MAPK10: variants seen among roughly 807,000 people sequenced by gnomAD.
MAPK10 encodes mitogen-activated protein kinase 10.
Under a neutral mutation model 59.3 loss-of-function variants are expected in MAPK10, and 25 were observed. The observed-to-expected ratio is 0.42, with a 90% confidence interval of 0.31 to 0.59. The LOEUF (loss-of-function observed/expected upper bound fraction) is 0.59. Ranked by LOEUF, MAPK10 falls within the 20% of genes least tolerant of loss-of-function variation. The pLI is 0.15. For synonymous variants in MAPK10, 190 were observed against 200.5 expected (o/e 0.95, Z 0.44); for missense variants, 351 against 568.9 (o/e 0.62, Z 3.90).
chr4:86,194,603 T>C (rs1481965891), intron 2 of MAPK10, among the ~76,000 whole-genome samples, 196 bp from the exon 3 acceptor site: 1 of 152,166 alleles, frequency 6.6e-6, no homozygotes, highest in East Asian at 1.9e-4. Context: ...ATGTCCTATC[T>C]TTTATAATGA....
intron 1 of MAPK10, among the ~76,000 whole-genome samples, chr4:86,539,444 A>G (rs80182351): frequency 0.047 from 7,131 of 152,262 alleles, 221 homozygotes; most frequent in African/African-American, 0.059. Flanking sequence ...AGGTTGGAAT[A>G]TAAGCACAAG....
chr4:86,100,406 T>A (rs1401990910), intron 8 of MAPK10: 1 of 152,160 alleles, frequency 6.6e-6, no homozygotes, highest in Non-Finnish European at 1.5e-5. Flanking sequence ...TCATGAACAT[T>A]AAGTTTTCTT....
intron 2 of MAPK10, among the ~76,000 whole-genome samples, chr4:86,227,501 GAAAGAAAAGAA>G (rs1014752247): frequency 4.4e-5 from 6 of 137,480 alleles, no homozygotes; most frequent in Non-Finnish European, 7.9e-5. Flanking sequence ...AAAAAAAAAA[GAAAGAAAAGAA>G]AAAGAAAAGA....
chr4:86,499,801 T>G (rs1211303300), intron 1 of MAPK10, among the ~76,000 whole-genome samples: 1 of 152,180 alleles, frequency 6.6e-6, no homozygotes, highest in Non-Finnish European at 1.5e-5. Flanking sequence ...AGTGGGCCTT[T>G]AGAGAAAGCT....
chr4:86,359,937 C>T lies in MAPK10; in HGVS notation c.-401G>A. 7.1e-6 allele frequency: 7 copies of T among 985,724 alleles called. No individual in the cohort carries two copies. Among genetic ancestry groups the T allele is most frequent in the Non-Finnish European group, 8.4e-6 (7 of 829,940 alleles). The allele number at this position is 985,724 out of a possible 1,614,324, so 61.1% of individuals were successfully genotyped here. On this transcript the variant is annotated 5_prime_UTR_variant, in exon 1 of 14. The change abolishes an upstream ATG in the 5' untranslated region. Coordinates refer to ENST00000641462, the MANE Select transcript of MAPK10 (RefSeq NM_138982.4). ...GCATATAGCAAGCACCACCCACCCC[C>T]ATAAAAATAAAAAGTGAAGGGGAGG...
At chr4:86,440,414 C>A (rs1257691771) in intron 1 of MAPK10, among the ~76,000 whole-genome samples, 1 of 152,046 alleles carries the variant, frequency 6.6e-6, no homozygotes, top group East Asian at 1.9e-4. Context: ...GCAGGAATAT[C>A]TTTTGAACCT....
chr4:86,050,829 C>T (rs183166028), intron 11 of MAPK10, among the ~76,000 whole-genome samples: 8 of 152,198 alleles, frequency 5.3e-5, no homozygotes, highest in Admixed American at 4.6e-4. Context: ...AGCATTCTGG[C>T]ATATATGTCC....
At chr4:86,317,641 A>G (rs1217162537) in intron 2 of MAPK10, among the ~76,000 whole-genome samples, 1 of 152,126 alleles carries the variant, frequency 6.6e-6, no homozygotes, top group Non-Finnish European at 1.5e-5. Context: ...TAATTCTAAC[A>G]TATTAGTGAG....
At chr4:86,345,751 T>G (rs527957982) in intron 2 of MAPK10, among the ~76,000 whole-genome samples, 7 of 152,324 alleles carry the variant, frequency 4.6e-5, no homozygotes, top group African/African-American at 1.7e-4. Flanking sequence ...AACACCCCGC[T>G]CTAGACAATT....
chr4:86,219,430 T>C, intron 2 of MAPK10, among the ~76,000 whole-genome samples: 1 of 152,194 alleles, frequency 6.6e-6, no homozygotes, highest in Non-Finnish European at 1.5e-5. Context: ...ATTTGGGATA[T>C]TTTCCTAGTA....
chr4:86,193,752 A>AG (rs913012942), intron 3 of MAPK10: 9 of 157,230 alleles, frequency 5.7e-5, no homozygotes, highest in Middle Eastern at 3.1e-3. Context: ...CCCCCTTTCC[A>AG]GGGGGGGTGA....
intron 1 of MAPK10, among the ~76,000 whole-genome samples, chr4:86,577,075 G>C (rs1295320956): frequency 6.6e-6 from 1 of 152,106 alleles, no homozygotes; most frequent in Non-Finnish European, 1.5e-5. Context: ...ATGCCGAGGT[G>C]GGAGGGTTGT....
chr4:86,218,072 A>G (rs992819022), intron 2 of MAPK10, among the ~76,000 whole-genome samples: 8 of 152,210 alleles, frequency 5.3e-5, no homozygotes, highest in Non-Finnish European at 1.2e-4. Context: ...ATTTAACAGT[A>G]TCTATTCTGA....
At chr4:86,150,792 G>T (rs1355226753) in intron 4 of MAPK10, among the ~76,000 whole-genome samples, 2 of 152,154 alleles carry the variant, frequency 1.3e-5, no homozygotes, top group African/African-American at 4.8e-5. Flanking sequence ...AACCAGGGAG[G>T]TGGAGCTTGC....
At chr4:86,093,771 C>T (rs1181714735) in intron 9 of MAPK10, among the ~76,000 whole-genome samples, 1 of 151,862 alleles carries the variant, frequency 6.6e-6, no homozygotes, top group Non-Finnish European at 1.5e-5. Context: ...AGCTCCCATT[C>T]TGGTGAACCC....
intron 1 of MAPK10, among the ~76,000 whole-genome samples, chr4:86,412,960 A>G (rs1264303648): frequency 6.6e-6 from 1 of 152,176 alleles, no homozygotes; most frequent in Non-Finnish European, 1.5e-5. Context: ...AAGGAGCTGC[A>G]ATCCTTTGGA....
At chr4:86,323,005 T>C (rs2095935218) in intron 2 of MAPK10, among the ~76,000 whole-genome samples, 1 of 152,066 alleles carries the variant, frequency 6.6e-6, no homozygotes, top group South Asian at 2.1e-4. Flanking sequence ...TGAAACCCCA[T>C]CTCTATTAAA....
chr4:86,468,379 G>A (rs140070827), intron 1 of MAPK10, among the ~76,000 whole-genome samples: 1 of 151,940 alleles, frequency 6.6e-6, no homozygotes, highest in Admixed American at 6.6e-5. Flanking sequence ...TCAAATAATG[G>A]CTCTCCTTAC....
At chr4:86,211,399 T>G (rs922951028) in intron 2 of MAPK10, among the ~76,000 whole-genome samples, 1 of 152,036 alleles carries the variant, frequency 6.6e-6, no homozygotes, top group Non-Finnish European at 1.5e-5. Context: ...AATCAGAAAC[T>G]TTGGAGGGCA....
Sources: allele counts gnomAD v4.1 joint callset (sites outside exome capture counted in the v4.1 genomes callset), GRCh38; gene constraint gnomAD v4.1.1; transcripts MANE v1.5; gene names NCBI Gene and HGNC (gene_info 2026-07-23, HGNC 2026-07-21).